Variants in FAT3 observed in about 807,000 individuals in gnomAD.
The protein encoded by FAT3 is FAT atypical cadherin 3.
Under a neutral mutation model 310.2 loss-of-function variants are expected in FAT3, and 95 were observed. The ratio of observed to expected loss-of-function variants is 0.31; its 90% confidence interval spans 0.26 to 0.36. FAT3 has a LOEUF of 0.36. Among genes scored for constraint, FAT3 ranks in the 10% least tolerant of loss-of-function variants. The pLI, the probability that FAT3 is intolerant of heterozygous loss-of-function variation, is 1.00. For missense variants in FAT3, 5,408 were observed against 5,715.6 expected (o/e 0.95, Z 1.74); for synonymous variants, 2,314 against 2,192.9 (o/e 1.06, Z -1.54).
At chr11:92,226,556 C>T (rs1445876141) in intron 1 of FAT3, among the ~76,000 whole-genome samples, 2 of 151,778 alleles carry the variant, frequency 1.3e-5, no homozygotes, top group Non-Finnish European at 2.9e-5. Context: ...GAGGCTGCAG[C>T]TCGCTGGAAT....
intron 4 of FAT3, among the ~76,000 whole-genome samples, chr11:92,744,284 C>T (rs1945589463): frequency 6.6e-6 from 1 of 152,210 alleles, no homozygotes; most frequent in South Asian, 2.1e-4. Context: ...ATGTGCACCT[C>T]TGCTGCTCTG....
chr11:92,469,315 C>T (rs570417433), intron 2 of FAT3, among the ~76,000 whole-genome samples: 1 of 152,210 alleles, frequency 6.6e-6, no homozygotes, highest in Non-Finnish European at 1.5e-5. Context: ...TTATAAAGCA[C>T]TTATTTGCCT....
chr11:92,585,107 T>C (rs1939062914), intron 3 of FAT3, among the ~76,000 whole-genome samples: 2 of 152,084 alleles, frequency 1.3e-5, no homozygotes, highest in Admixed American at 1.3e-4. Context: ...GAAAAATTAA[T>C]TAATATTTGC....
intron 2 of FAT3, chr11:92,408,205 G>A (rs1950175954): frequency 1.3e-5 from 2 of 152,280 alleles, no homozygotes; most frequent in South Asian, 4.2e-4. Flanking sequence ...TGAGAGATCT[G>A]AGGTGTCTCT....
intron 3 of FAT3, among the ~76,000 whole-genome samples, chr11:92,682,880 C>T (rs1334009551): frequency 3.9e-5 from 6 of 152,030 alleles, no homozygotes; most frequent in Non-Finnish European, 8.8e-5. Context: ...GAGTTTGAGA[C>T]CAGCCTGGCC....
chr11:92,262,022 A>G (rs1865578494), intron 1 of FAT3, among the ~76,000 whole-genome samples: 1 of 151,900 alleles, frequency 6.6e-6, no homozygotes, highest in Non-Finnish European at 1.5e-5. Context: ...CTCTCGAACA[A>G]TAAATGGACT....
chr11:92,735,455 T>C (rs1172594031), intron 4 of FAT3, among the ~76,000 whole-genome samples: 5 of 152,088 alleles, frequency 3.3e-5, no homozygotes, highest in East Asian at 1.9e-4. Flanking sequence ...ATTCCAGAGG[T>C]CTACTGAATA....
chr11:92,375,989 T>C (rs781051165), intron 2 of FAT3, among the ~76,000 whole-genome samples: 6 of 152,242 alleles, frequency 3.9e-5, no homozygotes, highest in Non-Finnish European at 7.3e-5. Flanking sequence ...TTTTCTACTC[T>C]GCAATTATTA....
chr11:92,650,275 A>G (rs1053973614), intron 3 of FAT3, among the ~76,000 whole-genome samples: 3 of 152,242 alleles, frequency 2.0e-5, no homozygotes, highest in Middle Eastern at 3.4e-3. Flanking sequence ...CTTCTGCTTT[A>G]CAAGATCTTA....
chr11:92,355,470 T>C, intron 2 of FAT3, 66 bp downstream of exon 2: 1 of 1,467,860 alleles, frequency 6.8e-7, no homozygotes, highest in East Asian at 2.3e-5. Context: ...AGTGGAAAAG[T>C]AAAGGGATGT....
intron 13 of FAT3, among the ~76,000 whole-genome samples, chr11:92,824,385 T>C (rs1371799983): frequency 6.6e-6 from 1 of 152,136 alleles, no homozygotes; most frequent in Admixed American, 6.6e-5. Flanking sequence ...AAGAAAATCA[T>C]TTTTAAATCA....
chr11:92,276,077 G>T (rs1299292974), intron 1 of FAT3, among the ~76,000 whole-genome samples: 2 of 151,938 alleles, frequency 1.3e-5, no homozygotes, highest in Admixed American at 6.6e-5. Flanking sequence ...TACTTTTTCT[G>T]CCAAATTGTA....
At chr11:92,594,091 T>C (rs1939581072) in intron 3 of FAT3, among the ~76,000 whole-genome samples, 1 of 152,170 alleles carries the variant, frequency 6.6e-6, no homozygotes, top group Non-Finnish European at 1.5e-5. Flanking sequence ...CTTAAGGGGC[T>C]GCAGGTGAGA....
At position 92,798,801 on chromosome 11, in the gene FAT3, T is replaced by G. The variant is rs1258973826; in HGVS notation, c.5788T>G (p.Phe1930Val). The G allele has an allele frequency of 6.2e-7, 1 of 1,613,856 alleles. No individual in the cohort carries two copies. Among genetic ancestry groups the G allele is most frequent in the East Asian group, 2.2e-5 (1 of 44,826 alleles). ...CCTAATGGAAGGCAGTTTGGATCAT[T>G]TTTTAATTGACTCAAACAGTGGAGT... ...YSLMEGSLDH[F>V]LIDSNSGVLT... Residue 1930 changes from phenylalanine to valine, a missense_variant, in exon 10 of 28, where the codon TTT (phenylalanine) becomes GTT (valine). By Grantham distance (50) the Phe-to-Val change is conservative. This residue lies in a region of FAT3 where 4,588 missense variants were observed against 4,809.8 expected (regional missense o/e 0.95). Transcript: ENST00000525166.
intron 1 of FAT3, among the ~76,000 whole-genome samples, chr11:92,351,382 G>A (rs1948562058): frequency 6.6e-6 from 1 of 152,128 alleles, no homozygotes; most frequent in Admixed American, 6.6e-5. Flanking sequence ...GATGAACAAT[G>A]TTCATTGAAG....
chr11:92,648,357 C>G (rs1161943741), intron 3 of FAT3, among the ~76,000 whole-genome samples: 1 of 152,180 alleles, frequency 6.6e-6, no homozygotes, highest in Admixed American at 6.5e-5. Context: ...GCACCTTTGA[C>G]CACTCTTACC....
intron 2 of FAT3, among the ~76,000 whole-genome samples, chr11:92,425,139 C>T (rs1327611267): frequency 6.6e-6 from 1 of 151,822 alleles, no homozygotes; most frequent in Non-Finnish European, 1.5e-5. Flanking sequence ...ATTTCTTTTC[C>T]ATTGTAGTAA....
At chr11:92,750,261 C>A (rs1945793321) in intron 4 of FAT3, among the ~76,000 whole-genome samples, 1 of 152,082 alleles carries the variant, frequency 6.6e-6, no homozygotes, top group African/African-American at 2.4e-5. Flanking sequence ...AGAAGAGTAT[C>A]AAGTGCTAAA....
chr11:92,649,759 G>A (rs1191080392), intron 3 of FAT3, among the ~76,000 whole-genome samples: 3 of 151,834 alleles, frequency 2.0e-5, no homozygotes, highest in Non-Finnish European at 2.9e-5. Flanking sequence ...TTATGTCAGC[G>A]ATCTAGATAT....
Sources: allele counts gnomAD v4.1 joint callset (sites outside exome capture counted in the v4.1 genomes callset), GRCh38; gene constraint gnomAD v4.1.1; regional missense constraint gnomAD v4.1.1; transcripts MANE v1.5; gene names NCBI Gene and HGNC (gene_info 2026-07-23, HGNC 2026-07-21).